TLK1: variants seen among roughly 807,000 people sequenced by gnomAD.
TLK1 encodes tousled like kinase 1.
TLK1 carries 24 observed loss-of-function variants against 105.3 expected under a neutral mutation model. The ratio of observed to expected loss-of-function variants is 0.23; its 90% CI spans 0.17 to 0.32. TLK1 has a LOEUF of 0.32. Ranked by LOEUF, TLK1 falls within the 10% of genes least tolerant of loss-of-function variation. The pLI is 1.00. For missense variants in TLK1, 558 were observed against 910.5 expected (o/e 0.61, Z 4.98); for synonymous variants, 321 against 310.4 (o/e 1.03, Z -0.36).
intron 12 of TLK1, among the ~76,000 whole-genome samples, chr2:171,025,482 A>G (rs374293795): frequency 6.6e-6 from 1 of 152,194 alleles, no homozygotes; most frequent in African/African-American, 2.4e-5. Flanking sequence ...CACCCATGCT[A>G]ATGCAAGAGT....
chr2:171,047,122 C>A (rs1686999668), intron 10 of TLK1, among the ~76,000 whole-genome samples: 1 of 152,116 alleles, frequency 6.6e-6, no homozygotes, highest in South Asian at 2.1e-4. Context: ...CAATGCTTCC[C>A]ATTCAAGAAA....
At chr2:171,213,657 G>T (rs567554089) in intron 1 of TLK1, among the ~76,000 whole-genome samples, 16 of 150,972 alleles carry the variant, frequency 1.1e-4, no homozygotes, top group African/African-American at 3.4e-4. Context: ...GGGCATGATG[G>T]CATGCACCTG....
chr2:171,136,921 C>T (rs1241184175), intron 1 of TLK1, among the ~76,000 whole-genome samples: 1 of 152,148 alleles, frequency 6.6e-6, no homozygotes, highest in Admixed American at 6.5e-5. Flanking sequence ...ATATCAGTGT[C>T]CATAGTAAGG....
intron 3 of TLK1, among the ~76,000 whole-genome samples, chr2:171,064,282 C>T (rs1202688894): frequency 6.6e-6 from 1 of 152,206 alleles, no homozygotes; most frequent in East Asian, 1.9e-4. Flanking sequence ...CTCCAGCCTA[C>T]CAGAGACATA....
intron 1 of TLK1, among the ~76,000 whole-genome samples, chr2:171,157,959 A>G (rs1371514590): frequency 6.6e-6 from 1 of 152,208 alleles, no homozygotes; most frequent in Non-Finnish European, 1.5e-5. Flanking sequence ...GGTTCTTACT[A>G]GCAGTAACTA....
At chr2:171,106,461 C>A (rs968272450) in intron 2 of TLK1, among the ~76,000 whole-genome samples, 1 of 152,208 alleles carries the variant, frequency 6.6e-6, no homozygotes, top group African/African-American at 2.4e-5. Flanking sequence ...TAAATATGTA[C>A]AATTACTCTA....
rs573204547 is a variant in TLK1, at chr2:171,213,962, C to A, written c.-6+17183G>T. ...GGCTGGTCTCAAACTCCAGCCATAT[C>A]TTTCTTGAGGAGTGTGGAGCTCACC... On this transcript the variant is annotated intron_variant, in intron 1 of 20. Transcript: ENST00000521943. Among the ~76,000 whole-genome samples, 11 of 151,334 alleles carry A rather than the reference C, an allele frequency of 7.3e-5. No homozygotes were observed. The South Asian group carries it at 2.1e-3, about 29-fold the overall frequency.
intron 1 of TLK1, among the ~76,000 whole-genome samples, chr2:171,138,941 A>G (rs1259186884): frequency 6.6e-6 from 1 of 152,220 alleles, no homozygotes. Flanking sequence ...AGTAACTACA[A>G]TACATAAGAT....
intron 11 of TLK1, among the ~76,000 whole-genome samples, chr2:171,033,879 T>A (rs1052622654): frequency 6.8e-6 from 1 of 146,418 alleles, no homozygotes; most frequent in Non-Finnish European, 1.5e-5. Context: ...AAGGGTTTAG[T>A]ATCCAGATTT....
intron 1 of TLK1, among the ~76,000 whole-genome samples, chr2:171,194,628 T>G (rs952516747): frequency 6.6e-6 from 1 of 151,954 alleles, no homozygotes; most frequent in African/African-American, 2.4e-5. Context: ...CCATCCTGGC[T>G]AACACGGTGA....
intron 2 of TLK1, among the ~76,000 whole-genome samples, chr2:171,096,757 C>CAAA (rs55784045): frequency 3.8e-4 from 43 of 114,108 alleles, no homozygotes; most frequent in African/African-American, 1.2e-3. Context: ...GACCCTGTCT[C>CAAA]AAAAAAAAAA....
At chr2:171,050,567 CTCTA>C (rs3053706) in intron 8 of TLK1, among the ~76,000 whole-genome samples, 85,942 of 151,534 alleles carry the variant, frequency 0.57, 26,419 homozygotes, top group East Asian at 0.95. Flanking sequence ...GTGAGTTTTC[CTCTA>C]TCTCTTATAA....
At chr2:171,214,377 G>A (rs554754335) in intron 1 of TLK1, among the ~76,000 whole-genome samples, 2 of 152,210 alleles carry the variant, frequency 1.3e-5, no homozygotes, top group South Asian at 4.2e-4. Flanking sequence ...TTATCCTAAT[G>A]GGACATCTGA....
chr2:171,165,930 G>A (rs566126532), intron 1 of TLK1, among the ~76,000 whole-genome samples: 8 of 152,176 alleles, frequency 5.3e-5, no homozygotes, highest in East Asian at 3.9e-4. Context: ...AAATGAGTCC[G>A]GAGACTGGAT....
chr2:171,185,087 C>A (rs1166323753), intron 1 of TLK1, among the ~76,000 whole-genome samples: 1 of 152,236 alleles, frequency 6.6e-6, no homozygotes, highest in African/African-American at 2.4e-5. Context: ...GATCTGCCCG[C>A]CTTGGCCTCC....
intron 2 of TLK1, among the ~76,000 whole-genome samples, chr2:171,107,106 G>A (rs986949110): frequency 1.3e-5 from 2 of 152,138 alleles, no homozygotes; most frequent in Non-Finnish European, 2.9e-5. Flanking sequence ...CAGGCCAGTT[G>A]TCTAGCAGTG....
intron 1 of TLK1, among the ~76,000 whole-genome samples, chr2:171,127,176 C>G (rs1223302770): frequency 1.3e-5 from 2 of 150,678 alleles, no homozygotes; most frequent in Non-Finnish European, 2.9e-5. Flanking sequence ...ACTCAGGAGG[C>G]TGAGGCACGA....
At chr2:171,037,524 G>A (rs1037028461) in intron 11 of TLK1, among the ~76,000 whole-genome samples, 2 of 151,668 alleles carry the variant, frequency 1.3e-5, no homozygotes, top group African/African-American at 2.4e-5. Flanking sequence ...AAAGCAAACT[G>A]CAGATTAAGG....
In TLK1 at chr2:171,058,216, A is replaced by T; in HGVS notation, c.407-19T>A. On this transcript the variant is annotated intron_variant, in intron 4 of 20. Coordinates refer to ENST00000431350, the MANE Select transcript of TLK1 (RefSeq NM_012290.5). Reference sequence around the variant, plus strand: ...CTTTTTCCTAAAATATAAGAAGCGCATGATGTTAGTAGGGTAGTGATGGGC... The same window carrying T: ...CTTTTTCCTAAAATATAAGAAGCGCTTGATGTTAGTAGGGTAGTGATGGGC... 6.2e-7 allele frequency: 1 copy of T among 1,613,094 alleles called. No homozygotes were observed. The highest frequency in any genetic ancestry group is 1.7e-5 in the Admixed American group (1 of 60,018).
Sources: allele counts gnomAD v4.1 joint callset (sites outside exome capture counted in the v4.1 genomes callset), GRCh38; gene constraint gnomAD v4.1.1; transcripts MANE v1.5; gene names NCBI Gene and HGNC (gene_info 2026-07-23, HGNC 2026-07-21).